Variants in TLE3 observed in about 807,000 individuals in gnomAD.
TLE3 encodes the protein TLE family member 3, transcriptional corepressor.
TLE3 carries 14 observed loss-of-function variants against 93.0 expected under a neutral mutation model. That is an observed-to-expected ratio of 0.15 (90% CI 0.10 to 0.24). TLE3 has a LOEUF of 0.24. Among genes scored for constraint, TLE3 ranks in the 10% least tolerant of loss-of-function variants. TLE3 has a pLI of 1.00. For missense variants in TLE3, 693 were observed against 1,046.6 expected, an observed-to-expected ratio of 0.66 and a Z score of 4.66; for synonymous variants, 451 against 425.0, an observed-to-expected ratio of 1.06 and a Z score of -0.75.
intron 4 of TLE3, among the ~76,000 whole-genome samples, chr15:70,081,310 G>C (rs1420935836): frequency 6.6e-6 from 1 of 152,232 alleles, no homozygotes; most frequent in African/African-American, 2.4e-5. Context: ...CCATAAAACA[G>C]AGCATCACAT....
chr15:70,086,778 G>A (rs1183618625), intron 4 of TLE3, among the ~76,000 whole-genome samples: 3 of 152,130 alleles, frequency 2.0e-5, no homozygotes, highest in Non-Finnish European at 4.4e-5. Context: ...ATGGCAAGCC[G>A]AGTTTACCAA....
chr15:70,077,849 G>C lies in TLE3; in HGVS notation c.235-1691C>G, dbSNP rs372959268. Reference sequence around the variant, plus strand: ...ACAATTCCTGTTATAAAGGACTGTCGCTCATATCCCAGGCCAACTGTGTCA... The same window carrying C: ...ACAATTCCTGTTATAAAGGACTGTCCCTCATATCCCAGGCCAACTGTGTCA... On this transcript the variant is annotated intron_variant, in intron 4 of 19. Coordinates refer to ENST00000451782, the MANE Select transcript of TLE3 (RefSeq NM_001105192.3). 5.8e-4 allele frequency among the ~76,000 whole-genome samples: 88 copies of C among 152,304 alleles called. No individual in the cohort carries two copies. In the East Asian group the frequency reaches 0.015, roughly 26 times the overall value.
intron 19 of TLE3, 158 bp from the exon 20 acceptor site, chr15:70,050,362 G>C (rs1003769302): frequency 1.8e-6 from 1 of 555,708 alleles, no homozygotes; most frequent in Non-Finnish European, 3.2e-6. Context: ...AGCACAGTGC[G>C]GTGAAGAGGA....
intron 12 of TLE3, chr15:70,057,903 C>A (rs1298059271): frequency 2.8e-6 from 2 of 714,926 alleles, no homozygotes; most frequent in Admixed American, 2.9e-5. Context: ...TAGAGCCTCA[C>A]TGGACTAATG....
intron 4 of TLE3, among the ~76,000 whole-genome samples, chr15:70,085,126 A>C (rs1158455687): frequency 6.6e-6 from 1 of 152,214 alleles, no homozygotes; most frequent in Non-Finnish European, 1.5e-5. Context: ...CCATCACTGA[A>C]GAAAGTTCTA....
At chr15:70,087,673 A>G (rs2058093980) in intron 4 of TLE3, among the ~76,000 whole-genome samples, 2 of 152,226 alleles carry the variant, frequency 1.3e-5, no homozygotes, top group Admixed American at 6.5e-5. Flanking sequence ...AGGACAACAT[A>G]GACTTCAGGC....
chr15:70,064,506 A>G (rs1355179940), intron 7 of TLE3, 36 bp from the exon 8 acceptor site: 9 of 1,613,668 alleles, frequency 5.6e-6, no homozygotes, highest in Non-Finnish European at 7.6e-6. Context: ...GAGGAAGGTC[A>G]GGCACCCCAA....
At position 70,047,939 on chromosome 15, in the gene TLE3, C is replaced by T. The variant is rs546483118; in HGVS notation, c.*2158G>A. ...CCAGAGGAAGTCTTAGCTCCTACCC[C>T]CCACCCTCCCTGGCGCTTGGATGGG... On this transcript the variant is annotated 3_prime_UTR_variant, in exon 20 of 20. Coordinates refer to ENST00000451782, the MANE Select transcript of TLE3 (RefSeq NM_001105192.3). The T allele has an allele frequency of 2.6e-5, 4 of 152,406 alleles. No individual in the cohort carries two copies. Among genetic ancestry groups the T allele is most frequent in the African/African-American group, 9.6e-5 (4 of 41,554 alleles). The allele number at this position is 152,406 out of a possible 1,614,324, so 9.4% of individuals were successfully genotyped here.
At chr15:70,076,200 T>C in intron 4 of TLE3, 42 bp from the exon 5 acceptor site, 1 of 1,597,448 alleles carries the variant, frequency 6.3e-7, no homozygotes, top group South Asian at 1.1e-5. Flanking sequence ...GGCAAATAAA[T>C]CAAGTCACTG....
intron 4 of TLE3, among the ~76,000 whole-genome samples, chr15:70,091,997 A>C (rs1410252697): frequency 6.7e-6 from 1 of 149,866 alleles, no homozygotes; most frequent in Non-Finnish European, 1.5e-5. Context: ...AAAGATGAAG[A>C]ATCCAGCCTG....
intron 4 of TLE3, among the ~76,000 whole-genome samples, chr15:70,092,806 C>G (rs1041302900): frequency 2.6e-5 from 4 of 152,232 alleles, no homozygotes; most frequent in Non-Finnish European, 5.9e-5. Flanking sequence ...ACCATTCATT[C>G]ACAGACATGC....
chr15:70,096,553 G>T, intron 1 of TLE3: 2 of 1,436,392 alleles, frequency 1.4e-6, no homozygotes, highest in Non-Finnish European at 1.9e-6. Context: ...GGGACCGCGT[G>T]AACAGCTCCC....
At chr15:70,052,833 A>C (rs1595858207) in intron 17 of TLE3, 1 of 306,034 alleles carries the variant, frequency 3.3e-6, no homozygotes, top group Non-Finnish European at 6.0e-6. Context: ...CAAATAAGAA[A>C]TAATAATCCC....
intron 15 of TLE3, 65 bp from the exon 16 acceptor site, chr15:70,054,750 G>A: frequency 6.7e-7 from 1 of 1,482,770 alleles, no homozygotes. Context: ...GGAGAGTCCT[G>A]TCCAGCAACA....
At chr15:70,094,781 A>G (rs1471869044) in intron 3 of TLE3, 2 of 561,878 alleles carry the variant, frequency 3.6e-6, no homozygotes, top group South Asian at 2.4e-5. Flanking sequence ...ACAGAACGTT[A>G]TATTATGTGG....
At chr15:70,065,868 G>T in intron 7 of TLE3, 146 bp downstream of exon 7, 1 of 858,842 alleles carries the variant, frequency 1.2e-6, no homozygotes, top group Non-Finnish European at 1.8e-6. Flanking sequence ...TGGCTTCCCT[G>T]CACCAGGTAT....
chr15:70,070,577 T>C (rs540380343), intron 6 of TLE3, among the ~76,000 whole-genome samples: 9 of 152,162 alleles, frequency 5.9e-5, no homozygotes, highest in Admixed American at 5.9e-4. Context: ...GTGGGCACCA[T>C]AGCTCCACAC....
In TLE3 at chr15:70,058,413, A is replaced by C; in HGVS notation, c.919-122T>G. On this transcript the variant is annotated intron_variant, in intron 11 of 19. Transcript: ENST00000451782. This position sits in a 1 kb window ranked among gnomAD's most constrained non-coding sequence, Gnocchi z 4.1. ...CCAGACCCTTATGAAGCTTCTGCCG[A>C]ACAGCCTCTCAATCCTTGCCCAACC... 1 of 1,470,104 alleles carries C rather than the reference A, an allele frequency of 6.8e-7. No individual in the cohort carries two copies. The highest frequency in any genetic ancestry group is 9.1e-7 in the Non-Finnish European group (1 of 1,093,480). 91.1% of individuals were successfully genotyped at this position (1,470,104 alleles called of 1,614,324 possible).
chr15:70,068,917 G>C (rs2056977505), intron 6 of TLE3, among the ~76,000 whole-genome samples: 1 of 152,234 alleles, frequency 6.6e-6, no homozygotes, highest in African/African-American at 2.4e-5. Flanking sequence ...GAATAAGGCA[G>C]ACTTCCAGCT....
Sources: allele counts gnomAD v4.1 joint callset (sites outside exome capture counted in the v4.1 genomes callset), GRCh38; gene constraint gnomAD v4.1.1; non-coding constraint Gnocchi (gnomAD v3.1); transcripts MANE v1.5; gene names NCBI Gene and HGNC (gene_info 2026-07-23, HGNC 2026-07-21).